Variants in ANKHD1 observed in about 807,000 individuals in gnomAD.
ANKHD1 encodes ankyrin repeat and KH domain-containing protein 1.
A neutral mutation model predicts 230.5 loss-of-function variants in ANKHD1; 31 were observed. The ratio of observed to expected loss-of-function variants is 0.13; its 90% confidence interval spans 0.10 to 0.18. The LOEUF is 0.18. Among genes scored for constraint, ANKHD1 ranks in the 10% least tolerant of loss-of-function variants. The pLI, the probability that ANKHD1 is intolerant of heterozygous loss-of-function variation, is 1.00. For synonymous variants in ANKHD1, 1,074 were observed against 1,117.6 expected (o/e 0.96, Z 0.78); for missense variants, 2,256 against 3,071.3 (o/e 0.73, Z 6.27).
At chr5:140,426,993 G>A (rs1027167462) in intron 1 of ANKHD1, among the ~76,000 whole-genome samples, 14 of 152,122 alleles carry the variant, frequency 9.2e-5, no homozygotes, top group Admixed American at 4.6e-4. Flanking sequence ...CCACAAAACA[G>A]CCATTGTCAT....
intron 1 of ANKHD1, among the ~76,000 whole-genome samples, chr5:140,416,085 G>A (rs1254171695): frequency 6.6e-6 from 1 of 152,136 alleles, no homozygotes; most frequent in Non-Finnish European, 1.5e-5. Flanking sequence ...ATGGTTTCCA[G>A]CTTCATCCAT....
chr5:140,537,291 T>C (rs778421350), intron 30 of ANKHD1, 98 bp from the exon 31 acceptor site: 20 of 1,486,412 alleles, frequency 1.3e-5, no homozygotes, highest in South Asian at 2.9e-5. Flanking sequence ...CATATTCTTA[T>C]AGTTTTTTAT....
Position 140,524,148 on chromosome 5 carries a change from A to T in ANKHD1, c.4400A>T (p.Gln1467Leu). Reference sequence around the variant, plus strand: ...AAGAGAAAAAAGAAAAAAGAGGAACAGAAAAGGAAACAGGAAGAAGATGAA... The same window carrying T: ...AAGAGAAAAAAGAAAAAAGAGGAACTGAAAAGGAAACAGGAAGAAGATGAA... Reference protein sequence around the residue: ...KEKRKKKKEEQKRKQEEDEEN... With the variant: ...KEKRKKKKEELKRKQEEDEEN... The change falls in exon 25 of 34, where the codon CAG (glutamine) becomes CTG (leucine). Residue 1467 changes from glutamine to leucine, a missense_variant. Gln to Leu is a moderately radical substitution (Grantham distance 113). Transcript: ENST00000360839. 1 of 1,598,836 alleles carries T rather than the reference A, an allele frequency of 6.3e-7. No individual in the cohort carries two copies.
Position 140,441,028 on chromosome 5 carries a change from C to G in ANKHD1, c.799C>G (p.Arg267Gly). The G allele has an allele frequency of 6.2e-7, 1 of 1,609,528 alleles. No homozygotes were observed. The highest frequency in any genetic ancestry group is 8.5e-7 in the Non-Finnish European group (1 of 1,178,444). ...LLAMHANVED[R>G]GNKGDITPLM... ...TGCTATGCATGCTAATGTTGAAGAT[C>G]GAGGGAATAAAGGAGACATAACTCC... The change falls in exon 5 of 34, where the codon CGA becomes GGA. Residue 267 changes from arginine to glycine, a missense_variant. Arg to Gly is a moderately radical substitution (Grantham distance 125, BLOSUM62 -2). This residue lies in a region of ANKHD1 where 206 missense variants were observed against 304.5 expected (regional missense o/e 0.68). Coordinates refer to ENST00000360839, the MANE Select transcript of ANKHD1 (RefSeq NM_017747.3).
intron 25 of ANKHD1, among the ~76,000 whole-genome samples, 183 bp downstream of exon 25, chr5:140,524,423 CAA>C (rs775068583): frequency 2.8e-4 from 43 of 152,194 alleles, no homozygotes; most frequent in African/African-American, 4.3e-4. Flanking sequence ...TGCAGAGAAA[CAA>C]GAGGGAAAAC....
chr5:140,442,374 C>G (rs922798822), intron 5 of ANKHD1, among the ~76,000 whole-genome samples: 1 of 151,950 alleles, frequency 6.6e-6, no homozygotes, highest in Non-Finnish European at 1.5e-5. Context: ...CAGTCCCCAA[C>G]CTTTTTGACA....
rs200461116 is a variant in ANKHD1 at position 140,404,408 on chromosome 5, CT to C, written c.306+2144del. ...GTGAGATGAAAGGTCACTCATTTGC[CT>C]TTTTTTTTAATTTTAATTTTTTGTT... On this transcript the variant is annotated intron_variant, in intron 1 of 33. Coordinates refer to ENST00000360839, the MANE Select transcript of ANKHD1 (RefSeq NM_017747.3). Among the ~76,000 whole-genome samples the C allele has an allele frequency of 6.1e-3, 918 of 150,252 alleles. 11 individuals carry two copies. Among genetic ancestry groups the C allele is most frequent in the African/African-American group, 0.021 (844 of 40,910 alleles).
chr5:140,433,677 G>A (rs568576218), intron 1 of ANKHD1, among the ~76,000 whole-genome samples: 6 of 151,986 alleles, frequency 3.9e-5, no homozygotes, highest in South Asian at 2.1e-4. Context: ...TCTCAAATGC[G>A]CCTTTAGTAA....
rs781453913 is a variant in ANKHD1 at position 140,535,463 on chromosome 5, C to T, written c.6952C>T (p.Pro2318Ser). The T allele has an allele frequency of 3.1e-6, 5 of 1,613,792 alleles. No homozygotes were observed. The highest frequency in any genetic ancestry group is 1.1e-5 in the South Asian group (1 of 91,040). The change falls in exon 30 of 34, where the codon CCA becomes TCA. Residue 2318 changes from proline (P) to serine (S), a missense_variant. By Grantham distance (74) the Pro-to-Ser change is moderately conservative. This residue lies in a region of ANKHD1 where 778 missense variants were observed against 966.5 expected (regional missense o/e 0.80). Coordinates refer to ENST00000360839, the MANE Select transcript of ANKHD1 (RefSeq NM_017747.3). ...AGGAACAAGGGTTTTCCTGCAAGGG[C>T]CAGCTCCTGTTGGGACTCCTAGTTT... ...IPGTRVFLQG[P>S]APVGTPSFNR...
intron 14 of ANKHD1, among the ~76,000 whole-genome samples, chr5:140,496,035 G>A (rs1218667012): frequency 6.6e-6 from 1 of 152,092 alleles, no homozygotes; most frequent in African/African-American, 2.4e-5. Context: ...GTAAGTTTTG[G>A]TCTTTTGCAT....
intron 1 of ANKHD1, among the ~76,000 whole-genome samples, chr5:140,419,796 T>TTC (rs1415776705): frequency 1.5e-5 from 1 of 66,318 alleles, no homozygotes; most frequent in South Asian, 5.8e-4. Context: ...CTTTCTTTCT[T>TTC]TCTTTCTTTC....
chr5:140,449,918 A>G (rs569083083), intron 7 of ANKHD1, among the ~76,000 whole-genome samples: 16 of 152,322 alleles, frequency 1.1e-4, no homozygotes, highest in African/African-American at 3.8e-4. Context: ...TGGATAGCCT[A>G]TAAAACATTT....
chr5:140,531,328 C>T (rs937714754), intron 29 of ANKHD1: 1 of 418,974 alleles, frequency 2.4e-6, no homozygotes, highest in Non-Finnish European at 4.7e-6. Flanking sequence ...TGCCTGTAAT[C>T]CCAGCACTTT....
At chr5:140,433,008 C>G (rs1026939683) in intron 1 of ANKHD1, among the ~76,000 whole-genome samples, 1 of 151,238 alleles carries the variant, frequency 6.6e-6, no homozygotes, top group Non-Finnish European at 1.5e-5. Context: ...TCGGCTCGTA[C>G]CTTACATTTT....
At position 140,449,212 on chromosome 5, in the gene ANKHD1, C is replaced by T. The variant is rs138219375; in HGVS notation, c.1149C>T (p.Gly383=). The stretch of plus-strand genomic sequence containing the variant: ...AAAATTTTTGTTCCTTTTTTCAAGG[C>T]CATTTGGATATGGTTCGCTTTCTAC... ...ESALTLACYK[G]HLDMVRFLLE... Residue 383 remains glycine (G), a splice_region_variant and synonymous_variant, in exon 7 of 34, where the codon GGC becomes GGT. Transcript: ENST00000360839. The T allele has an allele frequency of 1.1e-4, 177 of 1,607,562 alleles. No individual in the cohort carries two copies. The African/African-American group carries it at 2.0e-3, about 18-fold the overall frequency.
At chr5:140,473,964 A>T (rs970546800) in intron 10 of ANKHD1, among the ~76,000 whole-genome samples, 5 of 152,284 alleles carry the variant, frequency 3.3e-5, no homozygotes, top group Admixed American at 6.5e-5. Context: ...ATCTCAGGAG[A>T]TTCTGATGAC....
intron 14 of ANKHD1, among the ~76,000 whole-genome samples, chr5:140,493,342 G>A (rs923345229): frequency 6.6e-6 from 1 of 152,160 alleles, no homozygotes; most frequent in African/African-American, 2.4e-5. Context: ...TGGGATTACA[G>A]GTGTGAGCCA....
At chr5:140,468,563 G>A (rs1037249651) in intron 10 of ANKHD1, among the ~76,000 whole-genome samples, 1 of 152,062 alleles carries the variant, frequency 6.6e-6, no homozygotes, top group African/African-American at 2.4e-5. Flanking sequence ...TTTATTATCT[G>A]TATTAAATCT....
intron 33 of ANKHD1, 49 bp downstream of exon 33, chr5:140,539,132 C>A (rs894650441): frequency 2.2e-5 from 34 of 1,555,788 alleles, no homozygotes; most frequent in Non-Finnish European, 3.0e-5. Flanking sequence ...TCACATCATT[C>A]TTTTTGTTTT....
Sources: allele counts gnomAD v4.1 joint callset (sites outside exome capture counted in the v4.1 genomes callset), GRCh38; gene constraint gnomAD v4.1.1; regional missense constraint gnomAD v4.1.1; transcripts MANE v1.5; gene names NCBI Gene and HGNC (gene_info 2026-07-23, HGNC 2026-07-21).